Variants in EZR observed in about 807,000 individuals in gnomAD.
EZR encodes cytovillin 2.
EZR carries 40 observed loss-of-function variants against 74.8 expected under a neutral mutation model. The ratio of observed to expected loss-of-function variants is 0.53; its 90% CI spans 0.42 to 0.70. The LOEUF (loss-of-function observed/expected upper bound fraction) is 0.70, where lower values mean the gene tolerates loss of function less well. Ranked by LOEUF, EZR falls within the 30% of genes least tolerant of loss-of-function variation. The probability of loss-of-function intolerance (pLI) is 0.00; values close to 1 mark genes in which losing one functional copy is unlikely to be tolerated. For missense variants in EZR, 678 were observed against 755.8 expected, an observed-to-expected ratio of 0.90 and a Z score of 1.21; for synonymous variants, 341 against 283.3, an observed-to-expected ratio of 1.20 and a Z score of -2.05.
chr6:158,773,796 A>G (rs1791189542), intron 8 of EZR, among the ~76,000 whole-genome samples: 1 of 152,224 alleles, frequency 6.6e-6, no homozygotes, highest in African/African-American at 2.4e-5. Context: ...CTTTCTCCAA[A>G]TTTCAGATGC....
intron 2 of EZR, among the ~76,000 whole-genome samples, chr6:158,813,533 C>G (rs1342970247): frequency 6.6e-6 from 1 of 151,328 alleles, no homozygotes; most frequent in African/African-American, 2.4e-5. Context: ...ACCTAATTCA[C>G]CACTGCCCCT....
At chr6:158,793,131 GGCA>G (rs1791787114) in intron 2 of EZR, among the ~76,000 whole-genome samples, 1 of 135,024 alleles carries the variant, frequency 7.4e-6, no homozygotes, top group Non-Finnish European at 1.6e-5. Context: ...GACCAGCCTG[GGCA>G]ACAAGTCAAG....
Position 158,770,399 on chromosome 6 carries a change from T to C in EZR, c.1090+365A>G, listed in dbSNP as rs1791065524. ...GTCTGGCTCTGAACACGCCTTTGGG[T>C]TTTAGTCTAGAGGTCGAGGGCAGTG... On this transcript the variant is annotated intron_variant, in intron 10 of 13. Coordinates refer to ENST00000367075, the MANE Select transcript of EZR (RefSeq NM_001111077.2). Among the ~76,000 whole-genome samples the C allele has an allele frequency of 2.0e-5, 3 of 151,922 alleles. No homozygotes were observed. The South Asian group carries it at 6.2e-4, about 32-fold the overall frequency.
intron 8 of EZR, among the ~76,000 whole-genome samples, chr6:158,774,672 A>C (rs866395133): frequency 8.4e-5 from 12 of 142,394 alleles, no homozygotes; most frequent in Non-Finnish European, 1.5e-4. Context: ...CTTATCATCA[A>C]ACACACACAC....
intron 2 of EZR, among the ~76,000 whole-genome samples, chr6:158,803,757 C>T (rs1013158526): frequency 1.3e-5 from 2 of 150,032 alleles, no homozygotes; most frequent in South Asian, 4.2e-4. Flanking sequence ...TCTCCTTTTT[C>T]CTCTGAGAGT....
chr6:158,794,871 A>G (rs1777035656), intron 2 of EZR, among the ~76,000 whole-genome samples: 1 of 152,196 alleles, frequency 6.6e-6, no homozygotes, highest in African/African-American at 2.4e-5. Context: ...ACCAAGACAA[A>G]AAGAACCATG....
intron 3 of EZR, among the ~76,000 whole-genome samples, chr6:158,787,585 C>T (rs1161970661): frequency 2.0e-5 from 3 of 152,146 alleles, no homozygotes; most frequent in African/African-American, 4.8e-5. Context: ...GCGGTGGGTG[C>T]ATCGCTGCCG....
chr6:158,767,658 C>G, intron 12 of EZR, 146 bp from the exon 13 acceptor site: 4 of 764,172 alleles, frequency 5.2e-6, no homozygotes, highest in Non-Finnish European at 6.0e-6. Flanking sequence ...GGAGCACCCT[C>G]AGGGTGCATG....
chr6:158,804,373 G>T (rs1777283414), intron 2 of EZR, among the ~76,000 whole-genome samples: 1 of 152,120 alleles, frequency 6.6e-6, no homozygotes, highest in Non-Finnish European at 1.5e-5. Flanking sequence ...CCTTACCTCA[G>T]GGCAGGCAAA....
chr6:158,790,450 G>A (rs558198686), intron 2 of EZR, among the ~76,000 whole-genome samples: 2 of 152,238 alleles, frequency 1.3e-5, no homozygotes, highest in African/African-American at 2.4e-5. Context: ...CGAGGCAGGT[G>A]GACCACTTGA....
At chr6:158,768,540 G>A (rs901361) in intron 12 of EZR, among the ~76,000 whole-genome samples, 19,447 of 151,352 alleles carry the variant, frequency 0.13, 1,270 homozygotes, top group African/African-American at 0.16. Context: ...GGGGAAGGAC[G>A]GGCCAGCGGG....
chr6:158,807,089 G>T (rs1473826870), intron 2 of EZR, among the ~76,000 whole-genome samples: 2 of 152,208 alleles, frequency 1.3e-5, no homozygotes, highest in East Asian at 3.9e-4. Flanking sequence ...GAGGCGGGCG[G>T]ATCATGAGGT....
In EZR at chr6:158,771,331, T is replaced by C. The variant is rs940756446; in HGVS notation, c.872A>G (p.Tyr291Cys). Residue 291 changes from tyrosine to cysteine, a missense_variant, in exon 9 of 14, where the codon TAT becomes TGT. By Grantham distance (194) the Tyr-to-Cys change is radical. Transcript: ENST00000367075. ...GGTGTCAGGCTTCCTGCGGCGCATA[T>C]ACAACTCATGGTTGCCCATGCAGAG... is the stretch of plus-strand genomic sequence containing the variant. ...LQLCMGNHEL[Y>C]MRRRKPDTIE... is the part of the protein sequence containing the mutation. 5 of 1,614,092 alleles carry C rather than the reference T, an allele frequency of 3.1e-6. No homozygotes were observed. The African/African-American group carries it at 5.3e-5, about 17-fold the overall frequency.
In EZR at chr6:158,767,413, T is replaced by A. The variant is rs1206725031; in HGVS notation, c.1444A>T (p.Ser482Cys). 6.3e-7 allele frequency: 1 copy of A among 1,585,774 alleles called. No individual in the cohort carries two copies. The highest frequency in any genetic ancestry group is 1.4e-5 in the African/African-American group (1 of 73,116). The change falls in exon 13 of 14, where the codon AGC becomes TGC. Residue 482 changes from serine to cysteine, a missense_variant. This residue lies in a region of EZR where 342 missense variants were observed against 341.2 expected (regional missense o/e 1.00). Coordinates refer to ENST00000367075, the MANE Select transcript of EZR (RefSeq NM_001111077.2). ...TGCAAGCTCTCCTGGACATGGTAGC[T>A]CACCGGCTCGTACACGGGGGGTGGT... Reference protein sequence around the residue: ...PPPPPVYEPVSYHVQESLQDE... With the variant: ...PPPPPVYEPVCYHVQESLQDE...
chr6:158,800,327 C>T (rs1240919950), intron 2 of EZR, among the ~76,000 whole-genome samples: 3 of 152,160 alleles, frequency 2.0e-5, no homozygotes, highest in African/African-American at 2.4e-5. Context: ...CTCTAATTCC[C>T]GCCCATAGCA....
In EZR at chr6:158,771,399, C is replaced by T; in HGVS notation, c.804G>A (p.Val268=). ...TGATTCTCAGACGTGGGGCATAAAA[C>T]ACAAAGTCCTACAAAACAGAACAGG... is the stretch of plus-strand genomic sequence containing the variant. ...KPIDKKAPDF[V]FYAPRLRINK... is the part of the protein sequence containing the mutation. The change falls in exon 9 of 14, where the codon GTG becomes GTA. Residue 268 remains valine, a synonymous_variant. Coordinates refer to ENST00000367075, the MANE Select transcript of EZR (RefSeq NM_001111077.2). 2 of 1,607,088 alleles carry T rather than the reference C, an allele frequency of 1.2e-6. No homozygotes were observed. Among genetic ancestry groups the T allele is most frequent in the Non-Finnish European group, 1.7e-6 (2 of 1,176,088 alleles).
In EZR at chr6:158,767,521, A is replaced by G; in HGVS notation, c.1345-9T>C. 6.4e-7 allele frequency: 1 copy of G among 1,563,070 alleles called. No homozygotes were observed. The highest frequency in any genetic ancestry group is 8.7e-7 in the Non-Finnish European group (1 of 1,154,574). ...TCCTGGGCTTCTTTGGCCTTTGGAA[A>G]GCAAATTAATAAGAGGACTTCTCAC... On this transcript the variant is annotated splice_polypyrimidine_tract_variant and intron_variant, in intron 12 of 13. Coordinates refer to ENST00000367075, the MANE Select transcript of EZR (RefSeq NM_001111077.2).
intron 2 of EZR, among the ~76,000 whole-genome samples, chr6:158,791,706 A>ATTTTTTTTTT (rs57581855): frequency 0.01 from 998 of 96,182 alleles, 66 homozygotes; most frequent in Non-Finnish European, 0.014. Flanking sequence ...TTCAGACTCC[A>ATTTTTTTTTT]TTTTTTTTTT....
chr6:158,789,438 C>T (rs752898722), intron 2 of EZR, 67 bp from the exon 3 acceptor site: 1 of 1,398,154 alleles, frequency 7.2e-7, no homozygotes, highest in South Asian at 1.2e-5. Flanking sequence ...CCTCCTGCAC[C>T]TTCTACATAA....
Sources: allele counts gnomAD v4.1 joint callset (sites outside exome capture counted in the v4.1 genomes callset), GRCh38; gene constraint gnomAD v4.1.1; regional missense constraint gnomAD v4.1.1; transcripts MANE v1.5; gene names NCBI Gene and HGNC (gene_info 2026-07-23, HGNC 2026-07-21).